Variants in DNAAF11 observed in about 807,000 individuals in gnomAD.
DNAAF11 encodes the protein leucine rich repeat containing 6.
In DNAAF11, 45 loss-of-function variants were observed where a neutral mutation model predicts 60.8. The ratio of observed to expected loss-of-function variants is 0.74; its 90% CI spans 0.58 to 0.95. DNAAF11 has a LOEUF of 0.95. Ranked by LOEUF, DNAAF11 falls within the 40% of genes least tolerant of loss-of-function variation. The pLI, the probability that DNAAF11 is intolerant of heterozygous loss-of-function variation, is 0.00. For missense variants in DNAAF11, 546 were observed against 546.2 expected, an observed-to-expected ratio of 1.00 and a Z score of 0.00; for synonymous variants, 191 against 183.5, an observed-to-expected ratio of 1.04 and a Z score of -0.33.
intron 6 of DNAAF11, among the ~76,000 whole-genome samples, chr8:132,624,941 C>G (rs769409286): frequency 7.2e-5 from 11 of 152,112 alleles, no homozygotes; most frequent in Middle Eastern, 3.4e-3. Flanking sequence ...CCCATTCATT[C>G]CACAAAATGA....
chr8:132,689,644 G>A, the DNAAF11 span, among the ~76,000 whole-genome samples: 10 of 152,022 alleles, frequency 6.6e-5, no homozygotes, highest in African/African-American at 2.2e-4. Flanking sequence ...ACCATTCTCT[G>A]TGACAAGAAA....
intron 10 of DNAAF11, among the ~76,000 whole-genome samples, chr8:132,592,523 C>T (rs1033039385): frequency 3.3e-5 from 5 of 152,072 alleles, no homozygotes; most frequent in Non-Finnish European, 5.9e-5. Flanking sequence ...GCAGGGTCTA[C>T]AGCATGCAGG....
intron 11 of DNAAF11, among the ~76,000 whole-genome samples, chr8:132,572,849 C>T (rs1411248450): frequency 6.6e-6 from 1 of 152,174 alleles, no homozygotes; most frequent in Admixed American, 6.5e-5. Context: ...TTCCAGGCAG[C>T]TCTTATTCCT....
At chr8:132,620,780 C>T (rs774199055) in intron 7 of DNAAF11, among the ~76,000 whole-genome samples, 2 of 152,130 alleles carry the variant, frequency 1.3e-5, no homozygotes, top group Non-Finnish European at 2.9e-5. Context: ...GGAGTTCCCC[C>T]AGGAACATAA....
chr8:132,675,530 C>G lies in DNAAF11; in HGVS notation c.-37G>C, dbSNP rs371783907. The G allele has an allele frequency of 2.6e-6, 4 of 1,556,264 alleles. No individual in the cohort carries two copies. Among genetic ancestry groups the G allele is most frequent in the Non-Finnish European group, 3.5e-6 (4 of 1,146,646 alleles). ...AGTTCGCTGACCCCGCAAGCCGGAC[C>G]CGGACCTCGAATGACGCTTTTCACC... On this transcript the variant is annotated 5_prime_UTR_variant, in exon 1 of 12. Transcript: ENST00000620350.
chr8:132,592,633 A>G (rs1451794454), intron 10 of DNAAF11, among the ~76,000 whole-genome samples: 4 of 152,166 alleles, frequency 2.6e-5, no homozygotes, highest in African/African-American at 9.6e-5. Context: ...TAAAGTCTGC[A>G]TTTTTGGAAG....
the DNAAF11 span, among the ~76,000 whole-genome samples, chr8:132,693,798 C>G: frequency 6.6e-6 from 1 of 152,012 alleles, no homozygotes. Context: ...ATGGCAATGC[C>G]TGATGAGGAG....
intron 3 of DNAAF11, among the ~76,000 whole-genome samples, chr8:132,649,570 G>T (rs1413885181): frequency 6.6e-6 from 1 of 152,132 alleles, no homozygotes; most frequent in Non-Finnish European, 1.5e-5. Context: ...TACCATCAGA[G>T]TGAACAGGCA....
rs1472740102 is a variant in DNAAF11, at chr8:132,638,029, T to C, written c.335A>G (p.Asn112Ser). The C allele has an allele frequency of 6.2e-7, 1 of 1,614,152 alleles. No individual in the cohort carries two copies. Residue 112 changes from asparagine (N) to serine (S), a missense_variant, in exon 4 of 12, where the codon AAT becomes AGT. Asn to Ser is a conservative substitution (Grantham distance 46). Transcript: ENST00000620350. ...GAGAAAGAGCTCCTTCAGATGGATA[T>C]TGTGCTGCAAGTTTTTAATGCTGCT... is the stretch of plus-strand genomic sequence containing the variant. Reference protein sequence around the residue: ...ELSSIKNLQHNIHLKELFLMG... With the variant: ...ELSSIKNLQHSIHLKELFLMG...
At chr8:132,652,915 A>G (rs186105035) in intron 3 of DNAAF11, among the ~76,000 whole-genome samples, 1 of 152,272 alleles carries the variant, frequency 6.6e-6, no homozygotes, top group Non-Finnish European at 1.5e-5. Flanking sequence ...TGTTCTGCGC[A>G]TGTACCCAGA....
intron 10 of DNAAF11, among the ~76,000 whole-genome samples, chr8:132,588,619 T>C (rs889924671): frequency 1.3e-5 from 2 of 152,204 alleles, no homozygotes; most frequent in Non-Finnish European, 2.9e-5. Context: ...TAGACTACTA[T>C]GGAAGCCCAA....
intron 8 of DNAAF11, among the ~76,000 whole-genome samples, chr8:132,612,751 G>A (rs963699699): frequency 1.4e-4 from 21 of 152,124 alleles, no homozygotes; most frequent in African/African-American, 3.6e-4. Flanking sequence ...GGAAGCAGGC[G>A]TGAACGAATG....
chr8:132,588,115 A>C (rs911801634), intron 10 of DNAAF11, among the ~76,000 whole-genome samples: 1 of 152,200 alleles, frequency 6.6e-6, no homozygotes, highest in Non-Finnish European at 1.5e-5. Flanking sequence ...GAACCATAAA[A>C]ATTGCCAATA....
chr8:132,639,774 C>G (rs1360408017), intron 3 of DNAAF11, among the ~76,000 whole-genome samples: 3 of 152,032 alleles, frequency 2.0e-5, no homozygotes, highest in African/African-American at 7.2e-5. Flanking sequence ...TATATCCACC[C>G]ATCCATTCAT....
chr8:132,634,686 A>T (rs1033584493), intron 4 of DNAAF11, among the ~76,000 whole-genome samples: 2 of 149,870 alleles, frequency 1.3e-5, no homozygotes, highest in African/African-American at 4.9e-5. Context: ...AAATATATTT[A>T]TATATAACTA....
At chr8:132,615,365 G>C (rs1301115016) in intron 7 of DNAAF11, among the ~76,000 whole-genome samples, 1 of 152,210 alleles carries the variant, frequency 6.6e-6, no homozygotes, top group Non-Finnish European at 1.5e-5. Flanking sequence ...TTAGTGCAGA[G>C]ATAGAGACAT....
Position 132,638,064 on chromosome 8 carries a change from A to C in DNAAF11, c.300T>G (p.Ile100Met). 1.9e-6 allele frequency: 3 copies of C among 1,614,194 alleles called. No homozygotes were observed. The highest frequency in any genetic ancestry group is 2.2e-5 in the South Asian group (2 of 91,068). Residue 100 changes from isoleucine (I) to methionine (M), a missense_variant, in exon 4 of 12, where the codon ATT (isoleucine) becomes ATG (methionine). By Grantham distance (10) the Ile-to-Met change is conservative. Transcript: ENST00000620350. ...AGTTTTTAATGCTGCTCAGCTCTCC[A>C]ATGAAATTCACAGTCAGGTCAAGTT... ...LAKLDLTVNF[I>M]GELSSIKNLQ...
At chr8:132,647,561 A>C (rs1822527698) in intron 3 of DNAAF11, among the ~76,000 whole-genome samples, 1 of 152,204 alleles carries the variant, frequency 6.6e-6, no homozygotes, top group South Asian at 2.1e-4. Context: ...TCAAAAAATC[A>C]ATGAATCCAG....
At chr8:132,634,337 G>A (rs1370825588) in intron 4 of DNAAF11, among the ~76,000 whole-genome samples, 1 of 152,124 alleles carries the variant, frequency 6.6e-6, no homozygotes, top group East Asian at 1.9e-4. Flanking sequence ...CACATTTCTA[G>A]CACAGAGTTT....
Sources: gnomAD v4.1 joint callset for allele counts (sites outside exome capture counted in the v4.1 genomes callset) on GRCh38, gnomAD v4.1.1 for gene constraint, MANE v1.5 for transcripts, NCBI Gene and HGNC (gene_info 2026-07-23, HGNC 2026-07-21) for gene names.